Variants in SLIT1 observed in about 807,000 individuals in gnomAD.
SLIT1 encodes slit homolog 1 protein.
In SLIT1, 66 loss-of-function variants were observed where a neutral mutation model predicts 186.1. That is an observed-to-expected ratio of 0.35 (90% CI 0.29 to 0.44). The LOEUF is 0.44. Among genes scored for constraint, SLIT1 ranks in the 20% least tolerant of loss-of-function variants. SLIT1 has a pLI of 1.00. For synonymous variants in SLIT1, 761 were observed against 833.8 expected (o/e 0.91, Z 1.50); for missense variants, 1,638 against 2,037.4 (o/e 0.80, Z 3.77).
chr10:97,137,831 A>G (rs796805667), intron 4 of SLIT1, among the ~76,000 whole-genome samples: 6 of 152,306 alleles, frequency 3.9e-5, no homozygotes, highest in African/African-American at 1.4e-4. Flanking sequence ...GGTTTACCAC[A>G]TGTTGGGCCC....
At chr10:97,066,898 G>C (rs1848952183) in intron 4 of SLIT1, among the ~76,000 whole-genome samples, 1 of 152,192 alleles carries the variant, frequency 6.6e-6, no homozygotes, top group Non-Finnish European at 1.5e-5. Context: ...TGCTTCTGGA[G>C]GGGGATTGAT....
intron 1 of SLIT1, among the ~76,000 whole-genome samples, chr10:97,183,927 A>G (rs1367630355): frequency 6.6e-6 from 1 of 151,694 alleles, no homozygotes; most frequent in Non-Finnish European, 1.5e-5. Flanking sequence ...CACACAGGAT[A>G]ATGCACACGC....
At chr10:97,024,263 C>T (rs1848526324) in intron 25 of SLIT1, among the ~76,000 whole-genome samples, 1 of 152,108 alleles carries the variant, frequency 6.6e-6, no homozygotes, top group Non-Finnish European at 1.5e-5. Flanking sequence ...AATAGCTCAG[C>T]TGATGATTCA....
chr10:97,065,947 C>A, intron 5 of SLIT1, 68 bp downstream of exon 5: 1 of 1,206,476 alleles, frequency 8.3e-7, no homozygotes, highest in Non-Finnish European at 1.2e-6. Flanking sequence ...CTCAGGGATA[C>A]CCTGAGGATG....
At chr10:97,122,460 C>G (rs1213464695) in intron 4 of SLIT1, among the ~76,000 whole-genome samples, 1 of 152,154 alleles carries the variant, frequency 6.6e-6, no homozygotes, top group Non-Finnish European at 1.5e-5. Context: ...CAGAGGAACC[C>G]CATCCAGCCC....
At chr10:97,097,247 C>G (rs1469795157) in intron 4 of SLIT1, among the ~76,000 whole-genome samples, 4 of 152,222 alleles carry the variant, frequency 2.6e-5, no homozygotes, top group Non-Finnish European at 5.9e-5. Context: ...CATGGAGTGC[C>G]TTGATGCTTT....
At chr10:97,168,219 T>C (rs1406576549) in intron 1 of SLIT1, among the ~76,000 whole-genome samples, 2 of 152,158 alleles carry the variant, frequency 1.3e-5, no homozygotes, top group African/African-American at 2.4e-5. Flanking sequence ...ATCCAACATA[T>C]AATATCCATA....
At chr10:97,159,588 T>C (rs974248570) in intron 3 of SLIT1, among the ~76,000 whole-genome samples, 1 of 152,120 alleles carries the variant, frequency 6.6e-6, no homozygotes. Context: ...CAATGCCTAG[T>C]TTAAAATGGA....
intron 25 of SLIT1, among the ~76,000 whole-genome samples, chr10:97,023,048 G>A (rs1236920587): frequency 6.6e-6 from 1 of 151,664 alleles, no homozygotes; most frequent in Non-Finnish European, 1.5e-5. Flanking sequence ...ATACTCATAC[G>A]TGCCTCTTTT....
intron 1 of SLIT1, among the ~76,000 whole-genome samples, chr10:97,177,697 C>T (rs1056131148): frequency 1.3e-5 from 2 of 152,102 alleles, no homozygotes; most frequent in African/African-American, 2.4e-5. Context: ...GAAATCAGGC[C>T]GGGCGCGGTG....
chr10:97,143,264 T>C (rs1206438634), intron 4 of SLIT1, among the ~76,000 whole-genome samples: 1 of 152,164 alleles, frequency 6.6e-6, no homozygotes, highest in Non-Finnish European at 1.5e-5. Context: ...ATAACCAAAA[T>C]GTGGGGTATA....
chr10:97,183,725 T>G lies in SLIT1; in HGVS notation c.197+1753A>C, dbSNP rs370204348. On this transcript the variant is annotated intron_variant, in intron 1 of 36. Transcript: ENST00000266058. Reference sequence around the variant, plus strand: ...GAGGAGATGACTTTAAGACTCAAGATTCAAAAGCAAAGAAGAAGGGCTAAT... The same window carrying G: ...GAGGAGATGACTTTAAGACTCAAGAGTCAAAAGCAAAGAAGAAGGGCTAAT... 4.4e-4 allele frequency among the ~76,000 whole-genome samples: 67 copies of G among 152,124 alleles called. 1 individual carries two copies. The South Asian group carries it at 0.012, about 28-fold the overall frequency.
At chr10:97,169,060 C>T (rs1850154339) in intron 1 of SLIT1, among the ~76,000 whole-genome samples, 1 of 152,014 alleles carries the variant, frequency 6.6e-6, no homozygotes. Flanking sequence ...TTAGTCCCAC[C>T]CCTCCTCCTC....
At chr10:97,123,826 T>C (rs1849581282) in intron 4 of SLIT1, among the ~76,000 whole-genome samples, 2 of 143,620 alleles carry the variant, frequency 1.4e-5, no homozygotes, top group Non-Finnish European at 1.5e-5. Context: ...AGTAGAAACA[T>C]AGTGCAGTGA....
At chr10:97,140,106 G>A (rs903024858) in intron 4 of SLIT1, among the ~76,000 whole-genome samples, 1 of 152,128 alleles carries the variant, frequency 6.6e-6, no homozygotes, top group Admixed American at 6.5e-5. Context: ...CATGTTCCTG[G>A]GAGTGGGAAC....
At chr10:97,026,278 A>G (rs936225557) in intron 25 of SLIT1, among the ~76,000 whole-genome samples, 2 of 152,142 alleles carry the variant, frequency 1.3e-5, no homozygotes, top group Admixed American at 1.3e-4. Flanking sequence ...AGCCTGGCCA[A>G]CATGGCGAAA....
intron 4 of SLIT1, among the ~76,000 whole-genome samples, chr10:97,143,599 C>A (rs1849786939): frequency 6.6e-6 from 1 of 152,034 alleles, no homozygotes; most frequent in African/African-American, 2.4e-5. Flanking sequence ...AGACAGTAAG[C>A]TTTATGTGTT....
chr10:97,006,410 C>G lies in SLIT1; in HGVS notation c.3579+73G>C, dbSNP rs1367087466. The G allele has an allele frequency of 7.7e-6, 8 of 1,037,584 alleles. No individual in the cohort carries two copies. The highest frequency in any genetic ancestry group is 1.6e-5 in the African/African-American group (1 of 63,960). 64.3% of individuals were successfully genotyped at this position (1,037,584 alleles called of 1,614,324 possible). On this transcript the variant is annotated intron_variant, in intron 32 of 36. Coordinates refer to ENST00000266058, the MANE Select transcript of SLIT1 (RefSeq NM_003061.3). This position sits in a 1 kb window ranked among gnomAD's most constrained non-coding sequence, Gnocchi z 4.0. ...CCCCAGGCACCATGCAGGGATGTAT[C>G]CTGATGCTCTGGCCTAAGCCAGGGT... is the stretch of plus-strand genomic sequence containing the variant.
intron 22 of SLIT1, among the ~76,000 whole-genome samples, chr10:97,036,103 T>G (rs556041582): frequency 1.8e-4 from 28 of 152,208 alleles, no homozygotes; most frequent in Non-Finnish European, 3.1e-4. Flanking sequence ...GCCCACTTCA[T>G]GCGCTCTCAG....
Sources: allele counts gnomAD v4.1 joint callset (sites outside exome capture counted in the v4.1 genomes callset), GRCh38; gene constraint gnomAD v4.1.1; non-coding constraint Gnocchi (gnomAD v3.1); transcripts MANE v1.5; gene names NCBI Gene and HGNC (gene_info 2026-07-23, HGNC 2026-07-21).